The following ZHX2 variants were observed in gnomAD, a reference collection of about 807,000 sequenced individuals.
The protein encoded by ZHX2 is zinc fingers and homeoboxes protein 2.
ZHX2 carries 6 observed loss-of-function variants against 21.9 expected under a neutral mutation model. The ratio of observed to expected loss-of-function variants is 0.27; its 90% CI spans 0.15 to 0.54. The LOEUF (loss-of-function observed/expected upper bound fraction) is 0.54, where lower values mean the gene tolerates loss of function less well. Ranked by LOEUF, ZHX2 falls within the 20% of genes least tolerant of loss-of-function variation. ZHX2 has a pLI of 0.95. For synonymous variants in ZHX2, 434 were observed against 437.1 expected, an observed-to-expected ratio of 0.99 and a Z score of 0.09; for missense variants, 908 against 1,090.7, an observed-to-expected ratio of 0.83 and a Z score of 2.36.
rs71310631 is a variant in ZHX2, at chr8:122,875,129, TTATATATATATATATATATATATATA to T, written c.-220+11630_-220+11655del. Among the ~76,000 whole-genome samples the T allele has an allele frequency of 9.6e-3, 98 of 10,222 alleles. 1 individual carries two copies. The highest frequency in any genetic ancestry group is 0.043 in the East Asian group (6 of 140). 6.7% of individuals were successfully genotyped at this position (10,222 alleles called of 152,430 possible). The stretch of plus-strand genomic sequence containing the variant: ...TGCTTTTAGAGGAAGGAAAACTCTG[TTATATATATATATATATATATATATA>T]TATATATATATATATATATATATAT... On this transcript the variant is annotated intron_variant, in intron 2 of 3. Transcript: ENST00000314393.
In ZHX2 at chr8:122,952,527, G is replaced by A. The variant is rs16897795; in HGVS notation, c.1017G>A (p.Gln339=). ...AGAAGATGTTCAACGGCACCATCCA[G>A]TCAGTACCCCCGACCATCACTGTGC... ...ARKKMFNGTI[Q]SVPPTITVLP... is the part of the protein sequence containing the mutation. Residue 339 remains glutamine (Q), a synonymous_variant, in exon 3 of 4, where the codon CAG becomes CAA. Coordinates refer to ENST00000314393, the MANE Select transcript of ZHX2 (RefSeq NM_014943.5). The surrounding 1 kb of genome is among the most constrained non-coding windows in gnomAD (Gnocchi z 6.9). 19,953 of 1,614,194 alleles carry A rather than the reference G, an allele frequency of 0.012. 505 individuals carry two copies. The highest frequency in any genetic ancestry group is 0.089 in the Admixed American group (5,321 of 60,018).
rs116491119 is a variant in ZHX2 at position 122,940,150 on chromosome 8, T to G, written c.-219-11142T>G. Among the ~76,000 whole-genome samples, 588 of 152,284 alleles carry G rather than the reference T, an allele frequency of 3.9e-3. 6 individuals carry two copies. The highest frequency in any genetic ancestry group is 0.013 in the African/African-American group (553 of 41,564). On this transcript the variant is annotated intron_variant, in intron 2 of 3. Transcript: ENST00000314393. ...CACTAAGGCTGTGGCCAGAGAAAAG[T>G]GGACTCCTAGTAAGTAATGAAGCCA...
intron 1 of ZHX2, among the ~76,000 whole-genome samples, chr8:122,838,557 A>G (rs1250912572): frequency 6.6e-6 from 1 of 150,728 alleles, no homozygotes; most frequent in Non-Finnish European, 1.5e-5. Context: ...TGAAGTCTAC[A>G]GTATTTAGTA....
intron 1 of ZHX2, among the ~76,000 whole-genome samples, chr8:122,854,564 C>T (rs1184447465): frequency 6.6e-6 from 1 of 152,200 alleles, no homozygotes; most frequent in Non-Finnish European, 1.5e-5. Context: ...CTCCTTCCAC[C>T]CTGACTGTGC....
At chr8:122,884,159 T>A (rs1016465573) in intron 2 of ZHX2, among the ~76,000 whole-genome samples, 2 of 152,180 alleles carry the variant, frequency 1.3e-5, no homozygotes, top group Non-Finnish European at 2.9e-5. Context: ...TAAACATATC[T>A]AAATATTTTA....
At chr8:122,910,005 C>T (rs190778946) in intron 2 of ZHX2, among the ~76,000 whole-genome samples, 1 of 152,136 alleles carries the variant, frequency 6.6e-6, no homozygotes, top group East Asian at 1.9e-4. Flanking sequence ...TTAAACACAC[C>T]ATGCCCCTGA....
chr8:122,925,251 G>GTT (rs1222349761), intron 2 of ZHX2, among the ~76,000 whole-genome samples: 1 of 152,226 alleles, frequency 6.6e-6, no homozygotes, highest in Non-Finnish European at 1.5e-5. Context: ...ATTGCCAAGT[G>GTT]AGGTTCTTAG....
chr8:122,912,752 C>T (rs561939894), intron 2 of ZHX2, among the ~76,000 whole-genome samples: 3 of 152,176 alleles, frequency 2.0e-5, no homozygotes, highest in East Asian at 1.9e-4. Context: ...ACTTAAGCAC[C>T]TACTATGTCC....
At chr8:122,881,934 A>C (rs1327148454) in intron 2 of ZHX2, among the ~76,000 whole-genome samples, 1 of 152,214 alleles carries the variant, frequency 6.6e-6, no homozygotes, top group Non-Finnish European at 1.5e-5. Context: ...GGCACTGTGC[A>C]CCCAGATTTG....
intron 2 of ZHX2, among the ~76,000 whole-genome samples, chr8:122,883,335 T>G (rs1011387039): frequency 6.6e-6 from 1 of 151,836 alleles, no homozygotes; most frequent in Admixed American, 6.6e-5. Context: ...ATGGAGGAGA[T>G]GGAGGTGGGC....
At chr8:122,886,584 G>A in intron 2 of ZHX2, among the ~76,000 whole-genome samples, 1 of 152,044 alleles carries the variant, frequency 6.6e-6, no homozygotes, top group East Asian at 1.9e-4. Flanking sequence ...GGGATTATAC[G>A]GAACCCCTCT....
At chr8:122,971,053 C>T (rs1390671480) in intron 3 of ZHX2, among the ~76,000 whole-genome samples, 2 of 152,300 alleles carry the variant, frequency 1.3e-5, no homozygotes, top group African/African-American at 4.8e-5. Flanking sequence ...TAATGTTAAG[C>T]ACAACATTTA....
chr8:122,948,045 A>T (rs1813021191), intron 2 of ZHX2, among the ~76,000 whole-genome samples: 1 of 152,120 alleles, frequency 6.6e-6, no homozygotes, highest in Admixed American at 6.5e-5. Flanking sequence ...TGACCAGCCT[A>T]CACATGCCAG....
At chr8:122,963,554 G>A (rs1052085743) in intron 3 of ZHX2, among the ~76,000 whole-genome samples, 4 of 152,160 alleles carry the variant, frequency 2.6e-5, no homozygotes, top group Non-Finnish European at 5.9e-5. Flanking sequence ...GTAAGGTAAT[G>A]TGATGCCCCC....
intron 1 of ZHX2, among the ~76,000 whole-genome samples, chr8:122,809,762 G>A (rs1171870223): frequency 6.6e-6 from 1 of 152,160 alleles, no homozygotes; most frequent in African/African-American, 2.4e-5. Context: ...TCGAATCATG[G>A]CTTTGCCCCA....
At chr8:122,880,601 C>A (rs1034638890) in intron 2 of ZHX2, among the ~76,000 whole-genome samples, 12 of 151,924 alleles carry the variant, frequency 7.9e-5, no homozygotes, top group Non-Finnish European at 1.5e-4. Context: ...ATGGTGAAAT[C>A]CCATTTCTAC....
At chr8:122,907,516 A>C (rs1820377720) in intron 2 of ZHX2, among the ~76,000 whole-genome samples, 1 of 152,310 alleles carries the variant, frequency 6.6e-6, no homozygotes, top group South Asian at 2.1e-4. Context: ...GGTTTGCCCT[A>C]AGCAGTTTCC....
chr8:122,794,128 G>A (rs1817575423), intron 1 of ZHX2, among the ~76,000 whole-genome samples: 2 of 152,126 alleles, frequency 1.3e-5, no homozygotes, highest in Admixed American at 1.3e-4. Context: ...TTCACTGGGT[G>A]GTTGCTCAAT....
chr8:122,937,145 A>G (rs546165359), intron 2 of ZHX2, among the ~76,000 whole-genome samples: 4 of 152,350 alleles, frequency 2.6e-5, no homozygotes, highest in African/African-American at 7.2e-5. Context: ...GGCTCAGGCC[A>G]GGTGCAGCAC....
Sources: allele counts gnomAD v4.1 joint callset (sites outside exome capture counted in the v4.1 genomes callset), GRCh38; gene constraint gnomAD v4.1.1; non-coding constraint Gnocchi (gnomAD v3.1); transcripts MANE v1.5; gene names NCBI Gene and HGNC (gene_info 2026-07-23, HGNC 2026-07-21).